The following TLE2 variants were observed in gnomAD, a reference collection of about 807,000 sequenced individuals.
TLE2 encodes TLE family member 2, transcriptional corepressor.
Under a neutral mutation model 97.2 loss-of-function variants are expected in TLE2, and 74 were observed. That is an observed-to-expected ratio of 0.76 (90% CI 0.63 to 0.92). The LOEUF is 0.92. TLE2 is among the 40% of genes least tolerant of loss of function. The pLI is 0.00. For missense variants in TLE2, 1,038 were observed against 1,008.7 expected (o/e 1.03, Z -0.39); for synonymous variants, 499 against 432.1 (o/e 1.15, Z -1.92).
At chr19:3,026,953 A>G (rs2089956983) in intron 4 of TLE2, among the ~76,000 whole-genome samples, 1 of 150,074 alleles carries the variant, frequency 6.7e-6, no homozygotes, top group Non-Finnish European at 1.5e-5. Context: ...CAGAACCCTG[A>G]GGTCAATTTC....
chr19:3,004,026 A>G (rs2089423221), intron 17 of TLE2, among the ~76,000 whole-genome samples: 1 of 152,086 alleles, frequency 6.6e-6, no homozygotes, highest in African/African-American at 2.4e-5. Context: ...TTTTTAAAAG[A>G]TTCAGGGTCC....
intron 17 of TLE2, among the ~76,000 whole-genome samples, chr19:3,002,991 G>A (rs1025663261): frequency 2.0e-5 from 3 of 152,120 alleles, no homozygotes; most frequent in East Asian, 1.9e-4. Context: ...GAGCCACCAT[G>A]TCAGCCTACG....
upstream of TLE2, among the ~76,000 whole-genome samples, chr19:3,030,604 T>C (rs541299951): frequency 8.5e-5 from 13 of 152,218 alleles, 1 homozygote; most frequent in East Asian, 2.5e-3. Flanking sequence ...AAACCCATTT[T>C]GTACCCTTAC....
chr19:3,026,596 C>T (rs1260310439), intron 4 of TLE2, among the ~76,000 whole-genome samples: 17 of 83,356 alleles, frequency 2.0e-4, no homozygotes, highest in African/African-American at 8.8e-4. Flanking sequence ...TATCTCTGAA[C>T]CCTGAGGTCA....
chr19:3,015,782 G>A, intron 8 of TLE2, 22 bp from the exon 9 acceptor site: 1 of 1,556,172 alleles, frequency 6.4e-7, no homozygotes, highest in Non-Finnish European at 8.8e-7. Flanking sequence ...CAAAGGCCGG[G>A]GGGAGAAAGG....
chr19:3,042,424 C>A (rs1227472480), intron 1 of TLE2, among the ~76,000 whole-genome samples: 2 of 30,490 alleles, frequency 6.6e-5, no homozygotes, highest in African/African-American at 1.7e-4. Context: ...CCTGGGAGGA[C>A]GGTGGGCCTG....
chr19:3,036,956 TG>T (rs1248198725), intron 1 of TLE2, among the ~76,000 whole-genome samples: 1 of 152,012 alleles, frequency 6.6e-6, no homozygotes, highest in Non-Finnish European at 1.5e-5. Flanking sequence ...ATTGGGAAGT[TG>T]GGATAGCTTT....
At position 3,028,391 on chromosome 19, in the gene TLE2, A is replaced by G; in HGVS notation, c.123-9T>C. The G allele has an allele frequency of 1.9e-6, 3 of 1,599,694 alleles. No individual in the cohort carries two copies. The highest frequency in any genetic ancestry group is 1.1e-5 in the South Asian group (1 of 88,984). Reference sequence around the variant, plus strand: ...CACATTCTAGCTTGAGGCTGAGAAGAAGAGAGAGGGCAAGGGGCTCCCACC... The same window carrying G: ...CACATTCTAGCTTGAGGCTGAGAAGGAGAGAGAGGGCAAGGGGCTCCCACC... On this transcript the variant is annotated splice_polypyrimidine_tract_variant and intron_variant, in intron 2 of 19. Coordinates refer to ENST00000262953, the MANE Select transcript of TLE2 (RefSeq NM_003260.5).
At chr19:3,024,919 C>T (rs1001555045) in intron 5 of TLE2, 101 bp downstream of exon 5, 7 of 1,021,620 alleles carry the variant, frequency 6.9e-6, no homozygotes, top group South Asian at 3.0e-5. Context: ...CTGCAGGCTA[C>T]GCGGCAGAAT....
In TLE2 at chr19:3,004,234, A is replaced by G. The variant is rs1281085164; in HGVS notation, c.1896+1203T>C. Reference sequence around the variant, plus strand: ...TGGGGGACACCCAGTGAGCTAGGAGATATTCACCATGGGATCCCTAGAAAT... The same window carrying G: ...TGGGGGACACCCAGTGAGCTAGGAGGTATTCACCATGGGATCCCTAGAAAT... On this transcript the variant is annotated intron_variant, in intron 17 of 19. Coordinates refer to ENST00000262953, the MANE Select transcript of TLE2 (RefSeq NM_003260.5). 2.6e-5 allele frequency among the ~76,000 whole-genome samples: 4 copies of G among 152,244 alleles called. No homozygotes were observed. The East Asian group carries it at 7.7e-4, about 29-fold the overall frequency.
intron 5 of TLE2, among the ~76,000 whole-genome samples, chr19:3,022,089 C>A (rs1407499613): frequency 6.6e-6 from 1 of 151,610 alleles, no homozygotes; most frequent in African/African-American, 2.4e-5. Context: ...CACTCTGTCG[C>A]ACAGGCTGGA....
Position 3,012,940 on chromosome 19 carries a change from A to G in TLE2, c.873+729T>C, listed in dbSNP as rs80182883. 4.4e-3 allele frequency among the ~76,000 whole-genome samples: 675 copies of G among 152,112 alleles called. 9 individuals are homozygous for G. Among genetic ancestry groups the G allele is most frequent in the African/African-American group, 0.016 (661 of 41,490 alleles). On this transcript the variant is annotated intron_variant, in intron 11 of 19. Transcript: ENST00000262953. ...CCTGAGGGCTTCTCCAATACAACGG[A>G]GCTGACCCATCCCCTTGTAAGGTTT...
chr19:3,034,259 A>G (rs926830136), upstream of TLE2, among the ~76,000 whole-genome samples: 1 of 132,466 alleles, frequency 7.5e-6, no homozygotes, highest in African/African-American at 2.9e-5. Flanking sequence ...CCTCTCTCCC[A>G]TCTGGACCAC....
exon 1 of TLE2, chr19:3,045,780 T>C: frequency 4.6e-6 from 2 of 436,252 alleles, no homozygotes; most frequent in Non-Finnish European, 9.4e-6. Context: ...TGAGCCGTGA[T>C]TGCACCATTG....
chr19:3,003,322 G>C (rs907193936), intron 17 of TLE2, among the ~76,000 whole-genome samples: 1 of 152,132 alleles, frequency 6.6e-6, no homozygotes, highest in Non-Finnish European at 1.5e-5. Flanking sequence ...GTCCCCTCAA[G>C]GTCACAGAGC....
At chr19:3,013,619 G>T in intron 11 of TLE2, 50 bp downstream of exon 11, 2 of 1,327,804 alleles carry the variant, frequency 1.5e-6, no homozygotes, top group Non-Finnish European at 1.9e-6. Flanking sequence ...TCTGCTTCGG[G>T]GCCCCCGGGA....
chr19:3,016,665 G>A (rs957434943), intron 8 of TLE2, among the ~76,000 whole-genome samples: 3 of 151,964 alleles, frequency 2.0e-5, no homozygotes, highest in African/African-American at 7.2e-5. Context: ...CTGTTGGGGA[G>A]CACCCACAGA....
chr19:3,006,301 A>G (rs2089475823), intron 15 of TLE2, 119 bp downstream of exon 15: 7 of 1,450,394 alleles, frequency 4.8e-6, no homozygotes, highest in East Asian at 2.4e-5. Context: ...CCCCTCACCT[A>G]TAAGCCCCGC....
intron 1 of TLE2, chr19:3,045,591 C>A (rs56801494): frequency 0.29 from 86,816 of 297,774 alleles, 13,644 homozygotes; most frequent in Non-Finnish European, 0.35. Context: ...CCAAGGCGGG[C>A]GGATCACTTG....
Sources: allele counts gnomAD v4.1 joint callset (sites outside exome capture counted in the v4.1 genomes callset), GRCh38; gene constraint gnomAD v4.1.1; transcripts MANE v1.5; gene names NCBI Gene and HGNC (gene_info 2026-07-23, HGNC 2026-07-21).